Variants in BMP2K observed in about 807,000 individuals in gnomAD.
The protein encoded by BMP2K is BMP2 inducible kinase.
BMP2K carries 74 observed loss-of-function variants against 116.0 expected under a neutral mutation model. The observed-to-expected ratio is 0.64, with a 90% confidence interval of 0.53 to 0.77. The LOEUF (loss-of-function observed/expected upper bound fraction) is 0.77. Ranked by LOEUF, BMP2K falls within the 30% of genes least tolerant of loss-of-function variation. The probability of loss-of-function intolerance (pLI) is 0.00; values close to 1 mark genes in which losing one functional copy is unlikely to be tolerated. For synonymous variants in BMP2K, 486 were observed against 502.5 expected (o/e 0.97, Z 0.44); for missense variants, 1,365 against 1,403.6 (o/e 0.97, Z 0.44).
chr4:78,810,544 G>C (rs1041874379), intron 1 of BMP2K, among the ~76,000 whole-genome samples: 1 of 152,122 alleles, frequency 6.6e-6, no homozygotes, highest in African/African-American at 2.4e-5. Context: ...ACAGAGTGCC[G>C]AGTCAGGTCA....
At chr4:78,844,715 G>C (rs1730914814) in intron 4 of BMP2K, among the ~76,000 whole-genome samples, 1 of 151,090 alleles carries the variant, frequency 6.6e-6, no homozygotes, top group African/African-American at 2.4e-5. Context: ...TCATAATTTG[G>C]GTATCTTATG....
chr4:78,910,902 G>A lies in BMP2K; in HGVS notation c.2355G>A (p.Arg785=). ...CTGAACCAGAAAATCTGGGTCATAG[G>A]CCTCTCCTCATGGATTCTGAAGATG... The part of the protein sequence containing the change: ...DDTEPENLGH[R]PLLMDSEDEE... The change falls in exon 16 of 16, where the codon AGG becomes AGA. Residue 785 remains arginine, a synonymous_variant. Transcript: ENST00000502613. 1 of 1,613,950 alleles carries A rather than the reference G, an allele frequency of 6.2e-7. No individual in the cohort carries two copies. Among genetic ancestry groups the A allele is most frequent in the Non-Finnish European group, 8.5e-7 (1 of 1,179,874 alleles).
intron 1 of BMP2K, among the ~76,000 whole-genome samples, chr4:78,817,542 TTATCCCCATGCTAGG>T (rs1729410423): frequency 6.6e-6 from 1 of 152,184 alleles, no homozygotes; most frequent in South Asian, 2.1e-4. Context: ...GCAGAAGTTT[TTATCCCCATGCTAGG>T]TACACCACTC....
In BMP2K at chr4:78,777,910, G is replaced by A. The variant is rs143126722; in HGVS notation, c.178+1189G>A. Among the ~76,000 whole-genome samples the A allele has an allele frequency of 9.2e-5, 14 of 152,332 alleles. No homozygotes were observed. In the East Asian group the frequency reaches 2.5e-3, roughly 27 times the overall value. On this transcript the variant is annotated intron_variant, in intron 1 of 15. Transcript: ENST00000502613. ...TCATTGTTTCGTGAACCATTGCTCAGAATAATGATCTTAGCCGAAACTTGG... is the reference window on the plus strand; with the variant it reads ...TCATTGTTTCGTGAACCATTGCTCAAAATAATGATCTTAGCCGAAACTTGG...
At position 78,888,919 on chromosome 4, in the gene BMP2K, T is replaced by TAA. The variant is rs546265170; in HGVS notation, c.2062+1642_2062+1643dup. Reference sequence around the variant, plus strand: ...TTCCTTAGATTTAGGACAGTGGCCTTAAAAAAAATGCCCATTAATGGGCCG... The same window carrying TAA: ...TTCCTTAGATTTAGGACAGTGGCCTTAAAAAAAAAATGCCCATTAATGGGCCG... On this transcript the variant is annotated intron_variant, in intron 15 of 15. Transcript: ENST00000502613. Among the ~76,000 whole-genome samples, 322 of 151,894 alleles carry TAA rather than the reference T, an allele frequency of 2.1e-3. 1 individual carries two copies. The highest frequency in any genetic ancestry group is 7.1e-3 in the African/African-American group (295 of 41,446).
At position 78,911,175 on chromosome 4, in the gene BMP2K, T is replaced by G; in HGVS notation, c.2628T>G (p.Asn876Lys). The G allele has an allele frequency of 6.2e-7, 1 of 1,613,688 alleles. No homozygotes were observed. The highest frequency in any genetic ancestry group is 8.5e-7 in the Non-Finnish European group (1 of 1,179,784). ...VRAQQPQQEK[N>K]EKNLPQHRFP... Reference sequence around the variant, plus strand: ...CTCAACAGCCCCAGCAAGAAAAGAATGAAAAGAACCTCCCTCAACACAGGT... The same window carrying G: ...CTCAACAGCCCCAGCAAGAAAAGAAGGAAAAGAACCTCCCTCAACACAGGT... Residue 876 changes from asparagine to lysine, a missense_variant, in exon 16 of 16, where the codon AAT becomes AAG. Physicochemically the swap from Asn to Lys is moderately conservative, Grantham distance 94 (BLOSUM62 0). Around this residue, in one of 3 missense-constraint regions of BMP2K, gnomAD observed 596 missense variants for 623.2 expected, o/e 0.96. Coordinates refer to ENST00000502613, the MANE Select transcript of BMP2K (RefSeq NM_198892.2).
intron 14 of BMP2K, among the ~76,000 whole-genome samples, chr4:78,884,055 G>A (rs1015373049): frequency 2.0e-5 from 3 of 151,846 alleles, no homozygotes; most frequent in Non-Finnish European, 2.9e-5. Context: ...ACAAACAAAC[G>A]TGCTGAGAGG....
chr4:78,787,660 T>G (rs1443361236), intron 1 of BMP2K, among the ~76,000 whole-genome samples: 2 of 152,250 alleles, frequency 1.3e-5, no homozygotes, highest in South Asian at 2.1e-4. Context: ...TCTTATCTCC[T>G]TAAGGCTCCT....
rs1734849212 is a variant in BMP2K at position 78,914,156 on chromosome 4, C to G, written c.*2123C>G. On this transcript the variant is annotated 3_prime_UTR_variant, in exon 16 of 16. Transcript: ENST00000502613. Reference sequence around the variant, plus strand: ...GGTCTCTGCTAGACCTCATGAGTTTCATCATTTAGAAAAGGGGTAGAGGAT... The same window carrying G: ...GGTCTCTGCTAGACCTCATGAGTTTGATCATTTAGAAAAGGGGTAGAGGAT... 6.6e-6 allele frequency: 1 copy of G among 151,922 alleles called. No homozygotes were observed. Among genetic ancestry groups the G allele is most frequent in the Non-Finnish European group, 1.5e-5 (1 of 67,916 alleles). 9.4% of individuals were successfully genotyped at this position (151,922 alleles called of 1,614,324 possible). A position where few individuals can be genotyped will look rare whatever the true frequency, so the allele number is the denominator to read the frequency against.
intron 1 of BMP2K, among the ~76,000 whole-genome samples, chr4:78,800,007 T>C (rs893594447): frequency 1.2e-4 from 18 of 152,196 alleles, no homozygotes; most frequent in African/African-American, 3.9e-4. Flanking sequence ...TCTGACAAGG[T>C]TGAGCTGTCT....
rs550196790 is a variant in BMP2K, at chr4:78,820,062, T to C, written c.179-5975T>C. ...TTAATGTTATTGTACAATTATCTTA[T>C]GTTGGTTATCTTACTATAATAACTG... On this transcript the variant is annotated intron_variant, in intron 1 of 15. Transcript: ENST00000502613. 5.9e-5 allele frequency among the ~76,000 whole-genome samples: 9 copies of C among 152,350 alleles called. 1 individual carries two copies. The East Asian group carries it at 1.5e-3, about 26-fold the overall frequency.
intron 2 of BMP2K, among the ~76,000 whole-genome samples, chr4:78,831,558 C>G (rs753653450): frequency 1.5e-4 from 23 of 152,150 alleles, no homozygotes; most frequent in Non-Finnish European, 2.6e-4. Context: ...GTTTACTGTT[C>G]CTGTGCATTC....
chr4:78,837,871 G>C (rs1431911863), intron 3 of BMP2K, among the ~76,000 whole-genome samples: 1 of 152,122 alleles, frequency 6.6e-6, no homozygotes, highest in East Asian at 1.9e-4. Flanking sequence ...TGGAACTCCT[G>C]GCCTCAAGCA....
At chr4:78,778,822 C>G (rs1727366906) in intron 1 of BMP2K, among the ~76,000 whole-genome samples, 1 of 152,162 alleles carries the variant, frequency 6.6e-6, no homozygotes, top group Non-Finnish European at 1.5e-5. Context: ...GGGTCATGTA[C>G]TTGTGAAAAT....
Position 78,912,194 on chromosome 4 carries a change from C to T in BMP2K, c.*161C>T, listed in dbSNP as rs1186210532. The T allele has an allele frequency of 1.5e-6, 1 of 672,682 alleles. No individual in the cohort carries two copies. The highest frequency in any genetic ancestry group is 1.8e-5 in the African/African-American group (1 of 55,266). 41.7% of individuals were successfully genotyped at this position (672,682 alleles called of 1,614,324 possible). A position where few individuals can be genotyped will look rare whatever the true frequency, so the allele number is the denominator to read the frequency against. On this transcript the variant is annotated 3_prime_UTR_variant, in exon 16 of 16. Transcript: ENST00000502613. Reference sequence around the variant, plus strand: ...AACCAAATAGAAGAATGAAGTATCTCTACAGGGTAGTAACTTGATTCCTCT... The same window carrying T: ...AACCAAATAGAAGAATGAAGTATCTTTACAGGGTAGTAACTTGATTCCTCT...
At chr4:78,868,341 C>T (rs182787032) in intron 10 of BMP2K, among the ~76,000 whole-genome samples, 12 of 152,088 alleles carry the variant, frequency 7.9e-5, no homozygotes, top group Non-Finnish European at 1.2e-4. Context: ...ACAAGAAAGA[C>T]GCCCCCGTGA....
At chr4:78,779,959 C>T (rs762539891) in intron 1 of BMP2K, among the ~76,000 whole-genome samples, 1 of 152,042 alleles carries the variant, frequency 6.6e-6, no homozygotes, top group Admixed American at 6.5e-5. Flanking sequence ...CTAAGCAGAT[C>T]CCAGCTTTGG....
At chr4:78,796,405 A>AG (rs1728277652) in intron 1 of BMP2K, among the ~76,000 whole-genome samples, 1 of 68,740 alleles carries the variant, frequency 1.5e-5, no homozygotes, top group African/African-American at 5.0e-5. Context: ...GGGAGGGGGG[A>AG]GGGATAGCAT....
At chr4:78,836,971 TG>T (rs1238469491) in intron 3 of BMP2K, among the ~76,000 whole-genome samples, 1 of 152,198 alleles carries the variant, frequency 6.6e-6, no homozygotes, top group Admixed American at 6.5e-5. Flanking sequence ...GTGTCATTTT[TG>T]GTATGCTTTT....
Sources: gnomAD v4.1 joint callset for allele counts (sites outside exome capture counted in the v4.1 genomes callset) on GRCh38, gnomAD v4.1.1 for gene constraint, gnomAD v4.1.1 regional missense constraint, MANE v1.5 for transcripts, NCBI Gene and HGNC (gene_info 2026-07-23, HGNC 2026-07-21) for gene names.